Variants in COL22A1 observed in about 807,000 individuals in gnomAD.
The protein encoded by COL22A1 is collagen type XXII alpha 1 chain.
COL22A1 carries 221 observed loss-of-function variants against 248.9 expected under a neutral mutation model. That is an observed-to-expected ratio of 0.89 (90% CI 0.80 to 0.99). The LOEUF (loss-of-function observed/expected upper bound fraction) is 0.99, where lower values mean the gene tolerates loss of function less well. COL22A1 is among the 50% of genes least tolerant of loss of function. The pLI, the probability that COL22A1 is intolerant of heterozygous loss-of-function variation, is 0.00. For synonymous variants in COL22A1, 891 were observed against 793.4 expected (o/e 1.12, Z -2.07); for missense variants, 2,240 against 2,179.0 (o/e 1.03, Z -0.56).
chr8:138,599,450 G>C (rs541415716), intron 60 of COL22A1, among the ~76,000 whole-genome samples: 1 of 152,306 alleles, frequency 6.6e-6, no homozygotes, highest in East Asian at 1.9e-4. Context: ...CTGCACTCCA[G>C]CCTGGGCGAC....
chr8:138,769,592 G>A (rs771525479), intron 16 of COL22A1, among the ~76,000 whole-genome samples: 1 of 152,144 alleles, frequency 6.6e-6, no homozygotes, highest in Admixed American at 6.5e-5. Context: ...CACATCCTAA[G>A]GTGTCTCGGG....
intron 10 of COL22A1, among the ~76,000 whole-genome samples, chr8:138,806,635 T>C (rs1817753978): frequency 6.6e-6 from 1 of 152,126 alleles, no homozygotes; most frequent in African/African-American, 2.4e-5. Flanking sequence ...ATGCTGCTTG[T>C]CACGCAGGGT....
chr8:138,782,946 T>C (rs1815157304), intron 12 of COL22A1, among the ~76,000 whole-genome samples: 1 of 152,156 alleles, frequency 6.6e-6, no homozygotes, highest in African/African-American at 2.4e-5. Context: ...TGCCCTTACC[T>C]GACAATTCAA....
intron 35 of COL22A1, among the ~76,000 whole-genome samples, chr8:138,691,958 G>GGA (rs1827004709): frequency 6.9e-6 from 1 of 144,690 alleles, no homozygotes; most frequent in African/African-American, 2.5e-5. Flanking sequence ...GCATGTTTGT[G>GGA]GAGGTGCATG....
intron 3 of COL22A1, among the ~76,000 whole-genome samples, chr8:138,874,567 G>C (rs539442940): frequency 5.3e-5 from 8 of 152,280 alleles, no homozygotes; most frequent in African/African-American, 1.4e-4. Flanking sequence ...TGCCAGGCCT[G>C]CTGGGTAATA....
chr8:138,753,520 G>A (rs2131352288), intron 21 of COL22A1, among the ~76,000 whole-genome samples: 1 of 152,286 alleles, frequency 6.6e-6, no homozygotes, highest in Non-Finnish European at 1.5e-5. Flanking sequence ...TTGAAAGTAG[G>A]TAGATTCAAG....
intron 11 of COL22A1, among the ~76,000 whole-genome samples, chr8:138,801,047 G>C (rs930750804): frequency 1.2e-4 from 19 of 152,228 alleles, no homozygotes; most frequent in Admixed American, 1.2e-3. Context: ...ATGTAATGCA[G>C]AGCCAGCAGT....
At chr8:138,688,512 C>T (rs923810621) in intron 37 of COL22A1, among the ~76,000 whole-genome samples, 5 of 151,348 alleles carry the variant, frequency 3.3e-5, no homozygotes, top group African/African-American at 9.7e-5. Context: ...CAGAGTGAGA[C>T]CCTGTCTCAA....
chr8:138,660,811 TACACACATACACACACATACAC>T (rs759400474), intron 43 of COL22A1, among the ~76,000 whole-genome samples: 26 of 59,086 alleles, frequency 4.4e-4, no homozygotes, highest in African/African-American at 9.4e-4. Flanking sequence ...CAGACACACA[TACACACATACACACACATACAC>T]ACACAGACAC....
At chr8:138,660,544 A>G (rs1823729334) in intron 43 of COL22A1, 64 bp from the exon 44 acceptor site, 1 of 1,427,248 alleles carries the variant, frequency 7.0e-7, no homozygotes, top group Admixed American at 1.7e-5. Context: ...CACTCTACCC[A>G]CACCCTCTGC....
intron 22 of COL22A1, among the ~76,000 whole-genome samples, chr8:138,745,841 T>C (rs16909541): frequency 0.018 from 2,690 of 152,304 alleles, 74 homozygotes; most frequent in African/African-American, 0.06. Flanking sequence ...GATTCAGACG[T>C]AACTGCAGCA....
At chr8:138,684,288 T>C (rs1409173300) in intron 39 of COL22A1, 137 bp downstream of exon 39, 1 of 742,740 alleles carries the variant, frequency 1.3e-6, no homozygotes, top group African/African-American at 1.8e-5. Context: ...CCTAGAACCT[T>C]TAGTCAAATG....
intron 47 of COL22A1, among the ~76,000 whole-genome samples, chr8:138,639,553 G>A (rs1821483842): frequency 6.6e-6 from 1 of 152,106 alleles, no homozygotes; most frequent in Non-Finnish European, 1.5e-5. Context: ...CATTTCAAGG[G>A]CTTAATTCCC....
rs943962344 is a variant in COL22A1, at chr8:138,789,350, G to A, written c.1596+7469C>T. On this transcript the variant is annotated intron_variant, in intron 12 of 64. Transcript: ENST00000303045. ...TTTCCCCTTAAACCCTTTAATTATCGTAAAAATAGAAGGCACTCAACCACA... is the reference window on the plus strand; with the variant it reads ...TTTCCCCTTAAACCCTTTAATTATCATAAAAATAGAAGGCACTCAACCACA... Among the ~76,000 whole-genome samples the A allele has an allele frequency of 3.3e-5, 5 of 152,230 alleles. No homozygotes were observed. In the East Asian group the frequency reaches 5.8e-4, roughly 18 times the overall value.
chr8:138,787,218 C>T (rs1815611749), intron 12 of COL22A1, among the ~76,000 whole-genome samples: 1 of 151,330 alleles, frequency 6.6e-6, no homozygotes, highest in African/African-American at 2.4e-5. Context: ...ATAGAAAGAT[C>T]TTTAAAAGAA....
Position 138,591,468 on chromosome 8 carries a change from G to T in COL22A1, c.4649C>A (p.Pro1550His). 1 of 1,577,676 alleles carries T rather than the reference G, an allele frequency of 6.3e-7. No individual in the cohort carries two copies. Among genetic ancestry groups the T allele is most frequent in the South Asian group, 1.2e-5 (1 of 85,104 alleles). ...CATCTCGCCTCGGAGGCCAACTCCAGGTGCACCTGGGTCACCTTTGGCTCC... is the reference window on the plus strand; with the variant it reads ...CATCTCGCCTCGGAGGCCAACTCCATGTGCACCTGGGTCACCTTTGGCTCC... ...ERGAKGDPGA[P>H]GVGLRGEMGP... is the part of the protein sequence containing the mutation. Residue 1550 changes from proline (P) to histidine (H), a missense_variant, in exon 64 of 65, where the codon CCT (proline) becomes CAT (histidine). Pro to His is a moderately conservative substitution (Grantham distance 77, BLOSUM62 -2). Transcript: ENST00000303045.
intron 34 of COL22A1, 120 bp from the exon 35 acceptor site, chr8:138,693,819 G>T (rs1827275915): frequency 4.0e-6 from 4 of 1,001,204 alleles, no homozygotes; most frequent in Non-Finnish European, 6.1e-6. Context: ...AACTGAAGGG[G>T]CCCGGGAGCA....
At chr8:138,605,324 A>C (rs1316110621) in intron 58 of COL22A1, among the ~76,000 whole-genome samples, 1 of 152,206 alleles carries the variant, frequency 6.6e-6, no homozygotes, top group Admixed American at 6.5e-5. Context: ...AGTGGCAGGC[A>C]TGTAGTGAGG....
chr8:138,613,476 C>G (rs770100729), intron 56 of COL22A1, among the ~76,000 whole-genome samples: 31 of 152,166 alleles, frequency 2.0e-4, no homozygotes, highest in Non-Finnish European at 4.0e-4. Context: ...GCCTCTAGAA[C>G]CACGAGGCAA....
Sources: gnomAD v4.1 joint callset for allele counts (sites outside exome capture counted in the v4.1 genomes callset) on GRCh38, gnomAD v4.1.1 for gene constraint, MANE v1.5 for transcripts, NCBI Gene and HGNC (gene_info 2026-07-23, HGNC 2026-07-21) for gene names.